The following RNF145 variants were observed in gnomAD, a reference collection of about 807,000 sequenced individuals.
The protein encoded by RNF145 is ring finger protein 145.
In RNF145, 12 loss-of-function variants were observed where a neutral mutation model predicts 57.3. The ratio of observed to expected loss-of-function variants is 0.21; its 90% CI spans 0.13 to 0.34. The LOEUF is 0.34. RNF145 is among the 10% of genes least tolerant of loss of function. The probability of loss-of-function intolerance (pLI) is 1.00; values close to 1 mark genes in which losing one functional copy is unlikely to be tolerated. For missense variants in RNF145, 429 were observed against 799.0 expected, an observed-to-expected ratio of 0.54 and a Z score of 5.58; for synonymous variants, 262 against 288.3, an observed-to-expected ratio of 0.91 and a Z score of 0.92.
At chr5:159,166,794 C>CA (rs764687068) in intron 8 of RNF145, among the ~76,000 whole-genome samples, 2 of 152,112 alleles carry the variant, frequency 1.3e-5, no homozygotes, top group South Asian at 4.1e-4. Flanking sequence ...ACAGAGTGGA[C>CA]TTGGGGGGTA....
intron 1 of RNF145, among the ~76,000 whole-genome samples, chr5:159,204,555 C>CA (rs1259284145): frequency 6.6e-6 from 1 of 151,992 alleles, no homozygotes; most frequent in Non-Finnish European, 1.5e-5. Context: ...CCTGTAATCC[C>CA]AGCACTTTGG....
intron 4 of RNF145, among the ~76,000 whole-genome samples, chr5:159,180,738 G>A (rs1174568034): frequency 1.3e-5 from 2 of 151,966 alleles, no homozygotes; most frequent in East Asian, 3.9e-4. Flanking sequence ...AAGTTAACAA[G>A]ATGTATTAAA....
At chr5:159,168,314 A>G (rs920752663) in intron 8 of RNF145, among the ~76,000 whole-genome samples, 1 of 152,174 alleles carries the variant, frequency 6.6e-6, no homozygotes, top group African/African-American at 2.4e-5. Context: ...GAATCCAACT[A>G]TTAATTTCAT....
At chr5:159,206,297 G>T (rs1785878457) in intron 1 of RNF145, among the ~76,000 whole-genome samples, 2 of 152,132 alleles carry the variant, frequency 1.3e-5, no homozygotes, top group African/African-American at 2.4e-5. Flanking sequence ...TGTTATTTTA[G>T]CAAGTCAGTG....
intron 2 of RNF145, among the ~76,000 whole-genome samples, chr5:159,195,370 CTAT>C (rs1785423763): frequency 6.6e-6 from 1 of 151,902 alleles, no homozygotes; most frequent in South Asian, 2.1e-4. Flanking sequence ...GATTTTTTTC[CTAT>C]TATTTTTCTC....
chr5:159,197,715 C>A (rs1396650623), intron 2 of RNF145, among the ~76,000 whole-genome samples: 2 of 152,200 alleles, frequency 1.3e-5, no homozygotes, highest in African/African-American at 4.8e-5. Context: ...CCATAACAAA[C>A]TAAGTTGACA....
chr5:159,188,509 A>G lies in RNF145; in HGVS notation c.293+6207T>C, dbSNP rs6863147. Among the ~76,000 whole-genome samples, 239 of 152,228 alleles carry G rather than the reference A, an allele frequency of 1.6e-3. 2 individuals are homozygous for G. Among genetic ancestry groups the G allele is most frequent in the African/African-American group, 5.5e-3 (228 of 41,548 alleles). On this transcript the variant is annotated intron_variant, in intron 3 of 10. Coordinates refer to ENST00000424310, the MANE Select transcript of RNF145 (RefSeq NM_001199383.2). Reference sequence around the variant, plus strand: ...ACACTCTCACAGGAATAGTAGTATCAGTGTATGGTTTTTCTTTTTTCCCCC... The same window carrying G: ...ACACTCTCACAGGAATAGTAGTATCGGTGTATGGTTTTTCTTTTTTCCCCC...
At position 159,209,518 on chromosome 5, in the gene RNF145, C is replaced by T. The variant is rs1436209047; in HGVS notation, c.-327G>A. 1.2e-4 allele frequency: 13 copies of T among 109,996 alleles called. No individual in the cohort carries two copies. Among genetic ancestry groups the T allele is most frequent in the African/African-American group, 2.6e-4 (2 of 7,636 alleles). The allele number at this position is 109,996 out of a possible 1,614,324, so 6.8% of individuals were successfully genotyped here. On this transcript the variant is annotated 5_prime_UTR_variant, in exon 1 of 11. Transcript: ENST00000424310. ...CGGCGCCGGCGTCGGCGGCCATGGC[C>T]TCCTGCGTTTGCTCCTCCCGCCCCC...
At chr5:159,198,597 C>T (rs970696587) in intron 2 of RNF145, among the ~76,000 whole-genome samples, 1 of 152,056 alleles carries the variant, frequency 6.6e-6, no homozygotes, top group Non-Finnish European at 1.5e-5. Context: ...GACAGCTTTG[C>T]TATTAAGACA....
chr5:159,186,801 T>A (rs181990739), intron 3 of RNF145, among the ~76,000 whole-genome samples: 201 of 152,308 alleles, frequency 1.3e-3, no homozygotes, highest in Admixed American at 4.6e-3. Flanking sequence ...ACAGTGAAAC[T>A]GGTCAATTTT....
Position 159,162,129 on chromosome 5 carries a change from T to C in RNF145, c.1270-507A>G, listed in dbSNP as rs185094790. Among the ~76,000 whole-genome samples, 265 of 152,330 alleles carry C rather than the reference T, an allele frequency of 1.7e-3. 1 individual carries two copies. The highest frequency in any genetic ancestry group is 5.2e-3 in the African/African-American group (216 of 41,562). On this transcript the variant is annotated intron_variant, in intron 9 of 10. Transcript: ENST00000424310. ...AGCTTATCATTTCTAGGGCAATATT[T>C]TGTGTGTGCATGTCTGTGAAACATG...
upstream of RNF145, chr5:159,209,913 C>A: frequency 2.0e-6 from 3 of 1,535,530 alleles, no homozygotes; most frequent in Non-Finnish European, 2.6e-6. Flanking sequence ...TTCGCAGTAG[C>A]AATGATGCGA....
rs368357998 is a variant in RNF145, at chr5:159,158,605, A to G, written c.*65T>C. On this transcript the variant is annotated 3_prime_UTR_variant, in exon 11 of 11. Coordinates refer to ENST00000424310, the MANE Select transcript of RNF145 (RefSeq NM_001199383.2). ...TCATTTTCATTCCTCAAATCAGAAC[A>G]TGAATTCCATCTTGAGTTAACTTCT... 2.6e-6 allele frequency: 4 copies of G among 1,534,006 alleles called. No homozygotes were observed. Among genetic ancestry groups the G allele is most frequent in the East Asian group, 2.3e-5 (1 of 44,310 alleles).
chr5:159,208,093 C>T, intron 1 of RNF145: 1 of 1,462,696 alleles, frequency 6.8e-7, no homozygotes, highest in East Asian at 2.5e-5. Flanking sequence ...TGCCTGCTCA[C>T]TGCACAGGCC....
rs780804205 is a variant in RNF145, at chr5:159,176,881, T to C, written c.386-14A>G. 4.1e-6 allele frequency: 6 copies of C among 1,469,728 alleles called. No individual in the cohort carries two copies. Among genetic ancestry groups the C allele is most frequent in the Non-Finnish European group, 5.6e-6 (6 of 1,063,844 alleles). 91.0% of individuals were successfully genotyped at this position (1,469,728 alleles called of 1,614,324 possible). ...CCACCAACTGACCTAAAATAGGGAA[T>C]AGAATACATTTAATTTTGAGTATTT... On this transcript the variant is annotated splice_polypyrimidine_tract_variant and intron_variant, in intron 4 of 10. Coordinates refer to ENST00000424310, the MANE Select transcript of RNF145 (RefSeq NM_001199383.2).
At chr5:159,192,051 G>GA (rs879432662) in intron 3 of RNF145, among the ~76,000 whole-genome samples, 8,789 of 132,824 alleles carry the variant, frequency 0.066, 245 homozygotes, top group Middle Eastern at 0.13. Context: ...AAAATATTCA[G>GA]AAAAAAAAAA....
intron 5 of RNF145, among the ~76,000 whole-genome samples, chr5:159,174,423 A>T (rs1240667556): frequency 3.3e-5 from 5 of 152,178 alleles, no homozygotes; most frequent in African/African-American, 1.2e-4. Context: ...TAAGGTCAAA[A>T]TAAGGTCATA....
At chr5:159,196,085 T>C (rs1163313236) in intron 2 of RNF145, among the ~76,000 whole-genome samples, 1 of 152,194 alleles carries the variant, frequency 6.6e-6, no homozygotes, top group Non-Finnish European at 1.5e-5. Context: ...ATGCACAGTA[T>C]ACTACCATCC....
intron 3 of RNF145, among the ~76,000 whole-genome samples, chr5:159,183,151 T>C (rs955707550): frequency 6.6e-6 from 1 of 152,226 alleles, no homozygotes; most frequent in Non-Finnish European, 1.5e-5. Context: ...ATATGGGTGA[T>C]CTAGCAATTC....
Sources: allele counts gnomAD v4.1 joint callset (sites outside exome capture counted in the v4.1 genomes callset), GRCh38; gene constraint gnomAD v4.1.1; transcripts MANE v1.5; gene names NCBI Gene and HGNC (gene_info 2026-07-23, HGNC 2026-07-21).